SIM2: variants seen among roughly 807,000 people sequenced by gnomAD.
SIM2 encodes the protein SIM bHLH transcription factor 2, also known as single-minded homolog 2.
Under a neutral mutation model 64.8 loss-of-function variants are expected in SIM2, and 28 were observed. The observed-to-expected ratio is 0.43, with a 90% CI of 0.32 to 0.59. The LOEUF is 0.59. Among genes scored for constraint, SIM2 ranks in the 20% least tolerant of loss-of-function variants. The pLI is 0.07. For missense variants in SIM2, 847 were observed against 871.4 expected, an observed-to-expected ratio of 0.97 and a Z score of 0.35; for synonymous variants, 408 against 391.1, an observed-to-expected ratio of 1.04 and a Z score of -0.51.
chr21:36,703,699 T>A (rs1475806959), intron 1 of SIM2, among the ~76,000 whole-genome samples: 1 of 152,072 alleles, frequency 6.6e-6, no homozygotes. Context: ...TGGAGGGTGG[T>A]TAAGATAAGC....
chr21:36,705,053 C>T (rs2088560232), intron 1 of SIM2, among the ~76,000 whole-genome samples: 1 of 152,208 alleles, frequency 6.6e-6, no homozygotes, highest in Non-Finnish European at 1.5e-5. Flanking sequence ...TAGGCGAGAA[C>T]CTGGCCCCAA....
At chr21:36,746,835 G>T (rs867785891) in intron 10 of SIM2, among the ~76,000 whole-genome samples, 1 of 152,218 alleles carries the variant, frequency 6.6e-6, no homozygotes. Context: ...GAATTTGTGT[G>T]TCGGAAGCTG....
At position 36,747,950 on chromosome 21, in the gene SIM2, GC is replaced by G; in HGVS notation, c.1864del (p.Leu622TrpfsTer84). On this transcript the variant is annotated frameshift_variant, in exon 11 of 11. Transcript: ENST00000290399. LOFTEE classifies it high-confidence loss of function. This position sits in a 1 kb window ranked among gnomAD's most constrained non-coding sequence, Gnocchi z 4.5. Reference sequence around the variant, plus strand: ...GGGGGCGCCGCACCCGCCGCCTCCGGCCTGGCCTGCGCTCCCGGCGGCCCCG... The same window carrying G: ...GGGGGCGCCGCACCCGCCGCCTCCGGCTGGCCTGCGCTCCCGGCGGCCCCG... ...PLGGAAPAASGLACAPGGPEA... is the reference protein window; with the variant it reads ...PLGGAAPAASXLACAPGGPEA... 2 of 1,010,156 alleles carry G rather than the reference GC, an allele frequency of 2.0e-6. No homozygotes were observed. The highest frequency in any genetic ancestry group is 2.4e-6 in the Non-Finnish European group (2 of 850,636). 62.6% of individuals were successfully genotyped at this position (1,010,156 alleles called of 1,614,324 possible). A position where few individuals can be genotyped will look rare whatever the true frequency, so the allele number is the denominator to read the frequency against.
At chr21:36,743,047 G>A (rs576054301) in intron 8 of SIM2, among the ~76,000 whole-genome samples, 174 of 152,294 alleles carry the variant, frequency 1.1e-3, no homozygotes, top group African/African-American at 4.0e-3. Context: ...TGTGCATGTT[G>A]GATGCAGGTG....
At chr21:36,746,137 A>G in intron 10 of SIM2, 1 of 311,544 alleles carries the variant, frequency 3.2e-6, no homozygotes, top group Non-Finnish European at 5.4e-6. Flanking sequence ...CAACAAGCTG[A>G]AACCCCATCT....
chr21:36,731,100 C>A lies in SIM2; in HGVS notation c.799C>A (p.His267Asn), dbSNP rs1376044923. Residue 267 changes from histidine (H) to asparagine (N), a missense_variant, in exon 7 of 11, where the codon CAT (histidine) becomes AAT (asparagine). Physicochemically the swap from His to Asn is moderately conservative, Grantham distance 68. Coordinates refer to ENST00000290399, the MANE Select transcript of SIM2 (RefSeq NM_005069.6). The part of the protein sequence containing the change: ...PQDLIEKTLY[H>N]HVHGCDVFHL... ...GGACCTGATCGAGAAGACCCTATAC[C>A]ATCACGTGCACGGCTGCGACGTGTT... The A allele has an allele frequency of 1.2e-6, 2 of 1,613,974 alleles. No homozygotes were observed. Among genetic ancestry groups the A allele is most frequent in the South Asian group, 2.2e-5 (2 of 91,080 alleles).
intron 2 of SIM2, among the ~76,000 whole-genome samples, chr21:36,711,546 C>T (rs2088677519): frequency 6.6e-6 from 1 of 152,176 alleles, no homozygotes; most frequent in Non-Finnish European, 1.5e-5. Flanking sequence ...TTTTTAGCCC[C>T]CTCTCTAGGG....
chr21:36,717,875 T>C (rs937506840), intron 3 of SIM2, among the ~76,000 whole-genome samples: 3 of 152,228 alleles, frequency 2.0e-5, no homozygotes, highest in African/African-American at 7.2e-5. Context: ...TTAAACTTTT[T>C]AAGGATTAAC....
chr21:36,718,138 G>C (rs1292470708), intron 3 of SIM2, among the ~76,000 whole-genome samples: 2 of 152,196 alleles, frequency 1.3e-5, no homozygotes, highest in African/African-American at 4.8e-5. Flanking sequence ...CCGTTTTAGG[G>C]ACAAGATGAC....
Position 36,746,091 on chromosome 21 carries a change from G to A in SIM2, c.1576+955G>A, listed in dbSNP as rs554020123. The A allele has an allele frequency of 5.0e-4, 376 of 750,646 alleles. 2 individuals are homozygous for A. The African/African-American group carries it at 6.0e-3, about 12-fold the overall frequency. The allele number at this position is 750,646 out of a possible 1,614,324, so 46.5% of individuals were successfully genotyped here. A position where few individuals can be genotyped will look rare whatever the true frequency, so the allele number is the denominator to read the frequency against. ...AGCACTTTGGGAGGCCAAGGTGGGC[G>A]GATCACCTGAGGTCAGGAGTTTGCG... On this transcript the variant is annotated intron_variant, in intron 10 of 10. Transcript: ENST00000290399.
Position 36,745,537 on chromosome 21 carries a change from C to G in SIM2, c.1576+401C>G. On this transcript the variant is annotated intron_variant, in intron 10 of 10. Coordinates refer to ENST00000290399, the MANE Select transcript of SIM2 (RefSeq NM_005069.6). The surrounding 1 kb of genome is among the most constrained non-coding windows in gnomAD (Gnocchi z 4.8). The stretch of plus-strand genomic sequence containing the variant: ...ACCAGAAGTGAATATTTGAGACAAA[C>G]GGCCTATTGGCTATTTTCCCATGCC... 2 of 1,118,440 alleles carry G rather than the reference C, an allele frequency of 1.8e-6. No individual in the cohort carries two copies. Among genetic ancestry groups the G allele is most frequent in the Non-Finnish European group, 1.1e-6 (1 of 903,404 alleles). 69.3% of individuals were successfully genotyped at this position (1,118,440 alleles called of 1,614,324 possible). A position where few individuals can be genotyped will look rare whatever the true frequency, so the allele number is the denominator to read the frequency against.
At position 36,719,850 on chromosome 21, in the gene SIM2, A is replaced by C; in HGVS notation, c.378A>C (p.Glu126Asp). The change falls in exon 4 of 11, where the codon GAA (glutamate) becomes GAC (aspartate). Residue 126 changes from glutamate to aspartate, a missense_variant. Around this residue, in one of 3 missense-constraint regions of SIM2, gnomAD observed 397 missense variants for 439.2 expected, o/e 0.90. Transcript: ENST00000290399. Reference sequence around the variant, plus strand: ...AGCTCACGGGCAACAGTATTTATGAATACATCCATCCTTCTGACCACGATG... The same window carrying C: ...AGCTCACGGGCAACAGTATTTATGACTACATCCATCCTTCTGACCACGATG... ...QVELTGNSIY[E>D]YIHPSDHDEM... 1 of 1,613,026 alleles carries C rather than the reference A, an allele frequency of 6.2e-7. No individual in the cohort carries two copies. The highest frequency in any genetic ancestry group is 8.5e-7 in the Non-Finnish European group (1 of 1,179,156).
chr21:36,743,596 T>A, intron 9 of SIM2, 41 bp downstream of exon 9: 1 of 1,585,796 alleles, frequency 6.3e-7, no homozygotes, highest in Non-Finnish European at 8.6e-7. Flanking sequence ...CTGACATCTA[T>A]CCTAGGGGTT....
rs147982221 is a variant in SIM2, at chr21:36,723,239, C to G, written c.543+109C>G. ...CGGGAGCACAAACTCGTCATCCCCA[C>G]TAATGTAGAGCTCTCCAGCAACGTG... is the stretch of plus-strand genomic sequence containing the variant. On this transcript the variant is annotated intron_variant, in intron 5 of 10. Transcript: ENST00000290399. 21 of 846,816 alleles carry G rather than the reference C, an allele frequency of 2.5e-5. No individual in the cohort carries two copies. In the Admixed American group the frequency reaches 3.5e-4, roughly 14 times the overall value. The allele number at this position is 846,816 out of a possible 1,614,324, so 52.5% of individuals were successfully genotyped here.
At chr21:36,730,878 C>T (rs962682850) in intron 6 of SIM2, among the ~76,000 whole-genome samples, 167 bp from the exon 7 acceptor site, 3 of 152,196 alleles carry the variant, frequency 2.0e-5, no homozygotes, top group Non-Finnish European at 2.9e-5. Flanking sequence ...GCACCGGGCT[C>T]GAGTTCAAAG....
At chr21:36,721,452 T>C (rs905210739) in intron 4 of SIM2, among the ~76,000 whole-genome samples, 1 of 152,190 alleles carries the variant, frequency 6.6e-6, no homozygotes, top group Non-Finnish European at 1.5e-5. Flanking sequence ...TGTTTTGTTT[T>C]TTGGAGTTGG....
At chr21:36,733,034 G>T (rs2088991941) in intron 7 of SIM2, among the ~76,000 whole-genome samples, 1 of 152,290 alleles carries the variant, frequency 6.6e-6, no homozygotes, top group East Asian at 1.9e-4. Flanking sequence ...GGGGCGGAGG[G>T]GCTGACCAGC....
At chr21:36,743,222 T>A (rs2089186441) in intron 8 of SIM2, among the ~76,000 whole-genome samples, 165 bp from the exon 9 acceptor site, 1 of 152,170 alleles carries the variant, frequency 6.6e-6, no homozygotes. Context: ...CAGATGGCTT[T>A]TATAATGAGG....
rs565773785 is a variant in SIM2, at chr21:36,700,976, C to T, written c.175+1055C>T. On this transcript the variant is annotated intron_variant, in intron 1 of 10. Coordinates refer to ENST00000290399, the MANE Select transcript of SIM2 (RefSeq NM_005069.6). ...GTTGCCGCTGGTGACAGTGGCTGCC[C>T]GGCCAGGCACCTCCGAGCAGCAGGT... Among the ~76,000 whole-genome samples the T allele has an allele frequency of 4.5e-3, 688 of 152,342 alleles. 4 individuals are homozygous for T. The highest frequency in any genetic ancestry group is 0.015 in the African/African-American group (644 of 41,570).
Sources: allele counts gnomAD v4.1 joint callset (sites outside exome capture counted in the v4.1 genomes callset), GRCh38; gene constraint gnomAD v4.1.1; regional missense constraint gnomAD v4.1.1; non-coding constraint Gnocchi (gnomAD v3.1); transcripts MANE v1.5; gene names NCBI Gene and HGNC (gene_info 2026-07-23, HGNC 2026-07-21).